Variants in ACOXL observed in about 807,000 individuals in gnomAD.
ACOXL encodes the protein acyl-coenzyme A oxidase-like protein.
ACOXL carries 70 observed loss-of-function variants against 71.9 expected under a neutral mutation model. That is an observed-to-expected ratio of 0.97 (90% CI 0.80 to 1.19). The LOEUF (loss-of-function observed/expected upper bound fraction) is 1.19. Ranked by LOEUF, ACOXL falls within the 50% of genes most tolerant of loss-of-function variation. The probability of loss-of-function intolerance (pLI) is 0.00; values close to 1 mark genes in which losing one functional copy is unlikely to be tolerated. For synonymous variants in ACOXL, 253 were observed against 281.6 expected, an observed-to-expected ratio of 0.90 and a Z score of 1.02; for missense variants, 703 against 736.3, an observed-to-expected ratio of 0.95 and a Z score of 0.52.
intron 12 of ACOXL, among the ~76,000 whole-genome samples, chr2:110,975,454 G>A (rs1053805374): frequency 5.9e-5 from 9 of 151,970 alleles, no homozygotes; most frequent in African/African-American, 2.2e-4. Flanking sequence ...TCATTTGAGA[G>A]TAAGTTGCAG....
At chr2:110,904,124 C>T (rs1023910978) in intron 10 of ACOXL, among the ~76,000 whole-genome samples, 7 of 152,068 alleles carry the variant, frequency 4.6e-5, no homozygotes, top group African/African-American at 1.7e-4. Context: ...TGGGGATTGT[C>T]AGGGTCTTGG....
At chr2:110,982,444 T>C (rs1574377284) in intron 12 of ACOXL, among the ~76,000 whole-genome samples, 1 of 151,986 alleles carries the variant, frequency 6.6e-6, no homozygotes, top group African/African-American at 2.4e-5. Flanking sequence ...TCTTCTTCTG[T>C]CATCCCTTCC....
intron 2 of ACOXL, among the ~76,000 whole-genome samples, chr2:110,770,757 G>C (rs1037926369): frequency 2.6e-5 from 4 of 152,218 alleles, no homozygotes; most frequent in Non-Finnish European, 5.9e-5. Context: ...GCATGGGGCT[G>C]GTTGGAAGGT....
intron 12 of ACOXL, among the ~76,000 whole-genome samples, chr2:110,960,666 G>GT (rs34129486): frequency 0.091 from 12,865 of 141,514 alleles, 767 homozygotes; most frequent in East Asian, 0.24. Context: ...TTTCTTTTGG[G>GT]TTTTTTTTTT....
intron 5 of ACOXL, among the ~76,000 whole-genome samples, chr2:110,794,677 CAA>C (rs547112746): frequency 8.1e-4 from 123 of 152,318 alleles, no homozygotes; most frequent in African/African-American, 2.9e-3. Context: ...ACAACAGAAA[CAA>C]GAGTGTCACC....
At chr2:111,111,046 G>C (rs2069911483) in intron 17 of ACOXL, among the ~76,000 whole-genome samples, 1 of 151,786 alleles carries the variant, frequency 6.6e-6, no homozygotes, top group South Asian at 2.1e-4. Flanking sequence ...GCATTTCTTT[G>C]GGTTTGTACT....
At chr2:110,980,843 C>T (rs2062677024) in intron 12 of ACOXL, among the ~76,000 whole-genome samples, 1 of 152,234 alleles carries the variant, frequency 6.6e-6, no homozygotes, top group African/African-American at 2.4e-5. Flanking sequence ...GTTGCTGCTA[C>T]CGTTCCTTCT....
chr2:111,053,630 G>T (rs749540019), intron 16 of ACOXL, among the ~76,000 whole-genome samples: 4 of 152,234 alleles, frequency 2.6e-5, no homozygotes, highest in Admixed American at 6.5e-5. Context: ...TAGGGTGGAA[G>T]TTGGCAGGAA....
chr2:110,902,194 G>A (rs2059264186), intron 10 of ACOXL, among the ~76,000 whole-genome samples: 1 of 152,156 alleles, frequency 6.6e-6, no homozygotes, highest in Non-Finnish European at 1.5e-5. Flanking sequence ...AACAGGGCTG[G>A]GCACAGTGGC....
intron 16 of ACOXL, among the ~76,000 whole-genome samples, chr2:111,057,275 C>G (rs149733481): frequency 5.9e-5 from 9 of 152,314 alleles, no homozygotes; most frequent in African/African-American, 2.2e-4. Context: ...TGCACTGATG[C>G]ATGCCTTGAG....
rs180869595 is a variant in ACOXL at position 110,958,843 on chromosome 2, G to C, written c.1059+25201G>C. ...CCTAGGCATAGGCAGGTTCTCATCT[G>C]TCAGCTGTTGGAGGGCTGCACTGGA... On this transcript the variant is annotated intron_variant, in intron 12 of 17. Coordinates refer to ENST00000439055, the MANE Select transcript of ACOXL (RefSeq NM_001142807.4). Among the ~76,000 whole-genome samples, 326 of 152,356 alleles carry C rather than the reference G, an allele frequency of 2.1e-3. 2 individuals are homozygous for C. The highest frequency in any genetic ancestry group is 1.9e-3 in the Non-Finnish European group (126 of 68,036).
At chr2:110,867,893 G>A (rs1408128679) in intron 10 of ACOXL, among the ~76,000 whole-genome samples, 1 of 152,064 alleles carries the variant, frequency 6.6e-6, no homozygotes, top group Non-Finnish European at 1.5e-5. Flanking sequence ...CTCCCGAGTA[G>A]CTGGGATTAC....
intron 12 of ACOXL, among the ~76,000 whole-genome samples, chr2:110,947,978 G>A (rs907357270): frequency 3.3e-5 from 5 of 152,184 alleles, no homozygotes; most frequent in South Asian, 2.1e-4. Flanking sequence ...TCGTGTCACC[G>A]TGCCCTCAGG....
At position 110,836,343 on chromosome 2, in the gene ACOXL, C is replaced by T. The variant is rs553872508; in HGVS notation, c.754-5028C>T. ...TGTCCTTGCTGCCAGCATCTCATGA[C>T]CCTGTTTGAGTGGTATTCTGTGTGT... On this transcript the variant is annotated intron_variant, in intron 9 of 17. Transcript: ENST00000439055. Among the ~76,000 whole-genome samples the T allele has an allele frequency of 3.3e-5, 5 of 152,314 alleles. No homozygotes were observed. The South Asian group carries it at 1.0e-3, about 32-fold the overall frequency.
At chr2:110,861,791 G>C (rs1212570807) in intron 10 of ACOXL, among the ~76,000 whole-genome samples, 1 of 152,166 alleles carries the variant, frequency 6.6e-6, no homozygotes, top group East Asian at 1.9e-4. Flanking sequence ...TGCTCTCTGA[G>C]CTGTTGACCC....
intron 9 of ACOXL, among the ~76,000 whole-genome samples, chr2:110,811,727 G>GCTTACACA (rs1553548074): frequency 6.8e-5 from 2 of 29,294 alleles, no homozygotes; most frequent in Admixed American, 7.1e-4. Flanking sequence ...TGTTTTTTTT[G>GCTTACACA]CATACACACA....
At chr2:110,877,639 G>A (rs557301992) in intron 10 of ACOXL, among the ~76,000 whole-genome samples, 3 of 152,244 alleles carry the variant, frequency 2.0e-5, no homozygotes, top group East Asian at 1.9e-4. Flanking sequence ...GGGTCACCAC[G>A]GAGAGTCCAT....
chr2:110,767,402 G>C (rs555647777), intron 1 of ACOXL, among the ~76,000 whole-genome samples: 3 of 152,176 alleles, frequency 2.0e-5, no homozygotes, highest in Non-Finnish European at 2.9e-5. Flanking sequence ...TGCAAAGAGA[G>C]GGGGAGGAAA....
At chr2:111,065,389 T>A in intron 16 of ACOXL, among the ~76,000 whole-genome samples, 1 of 152,196 alleles carries the variant, frequency 6.6e-6, no homozygotes. Context: ...TAAATGTACA[T>A]AAAATGTAAC....
Sources: allele counts gnomAD v4.1 joint callset (sites outside exome capture counted in the v4.1 genomes callset), GRCh38; gene constraint gnomAD v4.1.1; transcripts MANE v1.5; gene names NCBI Gene and HGNC (gene_info 2026-07-23, HGNC 2026-07-21).